Variants in CPED1 observed in about 807,000 individuals in gnomAD.
CPED1 encodes cadherin like and PC-esterase domain containing 1.
CPED1 carries 114 observed loss-of-function variants against 128.2 expected under a neutral mutation model. The ratio of observed to expected loss-of-function variants is 0.89; its 90% CI spans 0.76 to 1.04. CPED1 has a LOEUF of 1.04. Among genes scored for constraint, CPED1 ranks in the 50% least tolerant of loss-of-function variants. CPED1 has a pLI of 0.00. For synonymous variants in CPED1, 462 were observed against 426.7 expected (o/e 1.08, Z -1.02); for missense variants, 1,211 against 1,207.1 (o/e 1.00, Z -0.05).
intron 16 of CPED1, among the ~76,000 whole-genome samples, chr7:121,189,527 T>A (rs1006358195): frequency 5.3e-5 from 8 of 151,668 alleles, no homozygotes; most frequent in Admixed American, 6.6e-5. Context: ...TCCCACCAGG[T>A]CACCAGGTCC....
chr7:121,004,942 T>A (rs1236847951), intron 2 of CPED1, among the ~76,000 whole-genome samples: 1 of 152,212 alleles, frequency 6.6e-6, no homozygotes, highest in South Asian at 2.1e-4. Flanking sequence ...TATGACATCA[T>A]GCCCCTATGT....
At chr7:121,190,056 A>G (rs1258766680) in intron 16 of CPED1, among the ~76,000 whole-genome samples, 1 of 151,842 alleles carries the variant, frequency 6.6e-6, no homozygotes, top group Non-Finnish European at 1.5e-5. Flanking sequence ...GAATTTTAAC[A>G]AGTAAATATA....
At chr7:121,210,660 A>G (rs1584599904) in intron 16 of CPED1, among the ~76,000 whole-genome samples, 1 of 151,982 alleles carries the variant, frequency 6.6e-6, no homozygotes, top group African/African-American at 2.4e-5. Context: ...AGAGGCTGGG[A>G]AGGATGGGGC....
At chr7:121,180,714 C>T (rs1490584914) in intron 16 of CPED1, among the ~76,000 whole-genome samples, 2 of 151,954 alleles carry the variant, frequency 1.3e-5, no homozygotes, top group South Asian at 2.1e-4. Flanking sequence ...TAAATGCACC[C>T]TTTATGACAG....
At chr7:121,147,118 G>A (rs1648492655) in intron 16 of CPED1, among the ~76,000 whole-genome samples, 1 of 152,038 alleles carries the variant, frequency 6.6e-6, no homozygotes, top group Non-Finnish European at 1.5e-5. Flanking sequence ...TTAGACAAAT[G>A]GGTTTCTGTA....
At chr7:121,079,896 A>G (rs1385316778) in intron 5 of CPED1, among the ~76,000 whole-genome samples, 2 of 152,234 alleles carry the variant, frequency 1.3e-5, no homozygotes, top group Non-Finnish European at 2.9e-5. Flanking sequence ...TAGAGGCAAC[A>G]TTGGGTAACA....
chr7:121,141,046 A>T, intron 15 of CPED1, 33 bp downstream of exon 15: 1 of 1,556,970 alleles, frequency 6.4e-7, no homozygotes, highest in Non-Finnish European at 8.7e-7. Flanking sequence ...GTGTTGAGAC[A>T]CTATACTGGG....
intron 3 of CPED1, among the ~76,000 whole-genome samples, chr7:121,016,071 T>C (rs1792294266): frequency 6.6e-6 from 1 of 152,250 alleles, no homozygotes; most frequent in Non-Finnish European, 1.5e-5. Flanking sequence ...TATATTTTTG[T>C]AGCATTTTGG....
chr7:121,092,369 C>G (rs898909796), intron 5 of CPED1, among the ~76,000 whole-genome samples: 1 of 152,118 alleles, frequency 6.6e-6, no homozygotes, highest in African/African-American at 2.4e-5. Flanking sequence ...GTACATACAT[C>G]TGGTTATTTG....
chr7:121,120,976 A>C lies in CPED1; in HGVS notation c.919-3355A>C, dbSNP rs982708325. ...GGACAGTTCCTGACCTAAAAAAAAA[A>C]AAAAAAAAAAACAAAAAAACTCACA... is the stretch of plus-strand genomic sequence containing the variant. On this transcript the variant is annotated intron_variant, in intron 7 of 22. Transcript: ENST00000310396. 2.0e-5 allele frequency among the ~76,000 whole-genome samples: 3 copies of C among 150,334 alleles called. No individual in the cohort carries two copies. The South Asian group carries it at 6.3e-4, about 31-fold the overall frequency.
intron 16 of CPED1, among the ~76,000 whole-genome samples, chr7:121,201,856 G>A (rs1223668657): frequency 2.0e-5 from 3 of 151,982 alleles, no homozygotes; most frequent in Non-Finnish European, 4.4e-5. Flanking sequence ...GCCTGAACAC[G>A]AAAGAAGAGA....
Position 121,133,796 on chromosome 7 carries a change from C to T in CPED1, c.1578-27C>T, listed in dbSNP as rs776088721. The T allele has an allele frequency of 2.7e-6, 4 of 1,498,744 alleles. No individual in the cohort carries two copies. The South Asian group carries it at 4.7e-5, about 18-fold the overall frequency. The allele number at this position is 1,498,744 out of a possible 1,614,324, so 92.8% of individuals were successfully genotyped here. ...ACGCGTTTTGTTCATTTCATTAATC[C>T]AGAGTTGTTTGGCATTGCATTTGCA... On this transcript the variant is annotated intron_variant, in intron 12 of 22. Coordinates refer to ENST00000310396, the MANE Select transcript of CPED1 (RefSeq NM_024913.5).
intron 4 of CPED1, among the ~76,000 whole-genome samples, chr7:121,048,821 A>G (rs2160011): frequency 0.81 from 123,914 of 152,220 alleles, 50,538 homozygotes; most frequent in Admixed American, 0.87. Context: ...TTACAGGCCT[A>G]AGCCACCATG....
chr7:121,161,178 G>C (rs576992961), intron 16 of CPED1, among the ~76,000 whole-genome samples: 3 of 152,098 alleles, frequency 2.0e-5, no homozygotes, highest in South Asian at 2.1e-4. Flanking sequence ...GCAGTGGGAC[G>C]GTGTTCTCTG....
chr7:121,125,710 A>T, intron 8 of CPED1, 110 bp from the exon 9 acceptor site: 2 of 720,524 alleles, frequency 2.8e-6, no homozygotes, highest in East Asian at 5.3e-5. Flanking sequence ...CCAGTCTATC[A>T]TTAATGGGCA....
At chr7:121,091,603 T>C (rs937308289) in intron 5 of CPED1, among the ~76,000 whole-genome samples, 22 of 152,312 alleles carry the variant, frequency 1.4e-4, no homozygotes, top group Non-Finnish European at 2.9e-4. Context: ...TAGTAGCAAC[T>C]GTGTAACACT....
Position 121,266,310 on chromosome 7 carries a change from G to C in CPED1, c.2394G>C (p.Gln798His). Residue 798 changes from glutamine to histidine, a missense_variant, in exon 19 of 23, where the codon CAG becomes CAC. Physicochemically the swap from Gln to His is conservative, Grantham distance 24. Coordinates refer to ENST00000310396, the MANE Select transcript of CPED1 (RefSeq NM_024913.5). ...TGAATGAAACGTTGCAGGAATGGCA[G>C]AAAGTACATGGCACTAAATTCTATC... ...ERLNETLQEW[Q>H]KVHGTKFYHN... 1 of 1,613,214 alleles carries C rather than the reference G, an allele frequency of 6.2e-7. No individual in the cohort carries two copies. The highest frequency in any genetic ancestry group is 2.2e-5 in the East Asian group (1 of 44,830).
At chr7:121,239,174 T>C (rs942828491) in intron 17 of CPED1, among the ~76,000 whole-genome samples, 2 of 152,220 alleles carry the variant, frequency 1.3e-5, no homozygotes, top group Non-Finnish European at 2.9e-5. Flanking sequence ...TTAGGAGCTC[T>C]GGATTTAGTT....
intron 21 of CPED1, among the ~76,000 whole-genome samples, chr7:121,270,151 G>C (rs1035399574): frequency 5.9e-5 from 9 of 152,026 alleles, no homozygotes; most frequent in Non-Finnish European, 1.2e-4. Flanking sequence ...CAACACTGGG[G>C]TTCACATTTC....
Sources: gnomAD v4.1 joint callset for allele counts (sites outside exome capture counted in the v4.1 genomes callset) on GRCh38, gnomAD v4.1.1 for gene constraint, MANE v1.5 for transcripts, NCBI Gene and HGNC (gene_info 2026-07-23, HGNC 2026-07-21) for gene names.